USP3: variants seen among roughly 807,000 people sequenced by gnomAD.
USP3 encodes the protein ubiquitin carboxyl-terminal hydrolase 3.
In USP3, 20 loss-of-function variants were observed where a neutral mutation model predicts 72.3. The observed-to-expected ratio is 0.28, with a 90% CI of 0.19 to 0.40. The LOEUF (loss-of-function observed/expected upper bound fraction) is 0.40. Ranked by LOEUF, USP3 falls within the 10% of genes least tolerant of loss-of-function variation. The pLI is 1.00. For synonymous variants in USP3, 222 were observed against 225.3 expected (o/e 0.99, Z 0.13); for missense variants, 479 against 633.9 (o/e 0.76, Z 2.62).
Position 63,559,915 on chromosome 15 carries a change from G to C in USP3, c.592G>C (p.Gly198Arg), listed in dbSNP as rs2066576959. The stretch of plus-strand genomic sequence containing the variant: ...ACTGCCCGCCGTGGAGTTAAGGAAT[G>C]GGAAAACAGCAGGAAGGCGGACATA... ...KELPAVELRNGKTAGRRTYHT... is the reference protein window; with the variant it reads ...KELPAVELRNRKTAGRRTYHT... The change falls in exon 7 of 15, where the codon GGG becomes CGG. Residue 198 changes from glycine to arginine, a missense_variant. Coordinates refer to ENST00000380324, the MANE Select transcript of USP3 (RefSeq NM_006537.4). The C allele has an allele frequency of 6.2e-7, 1 of 1,614,074 alleles. No homozygotes were observed. Among genetic ancestry groups the C allele is most frequent in the Non-Finnish European group, 8.5e-7 (1 of 1,179,988 alleles).
In USP3 at chr15:63,553,526, A is replaced by C. The variant is rs551559244; in HGVS notation, c.285-189A>C. 3 of 436,512 alleles carry C rather than the reference A, an allele frequency of 6.9e-6. No individual in the cohort carries two copies. Among genetic ancestry groups the C allele is most frequent in the East Asian group, 7.3e-5 (2 of 27,374 alleles). 27.0% of individuals were successfully genotyped at this position (436,512 alleles called of 1,614,324 possible). ...GAAAAGAAGCTCATGTTCATTGCCT[A>C]CGTGGCTTTTAAAAAAGACTCTTGA... is the stretch of plus-strand genomic sequence containing the variant. On this transcript the variant is annotated intron_variant, in intron 3 of 14. Transcript: ENST00000380324. This position sits in a 1 kb window ranked among gnomAD's most constrained non-coding sequence, Gnocchi z 4.2.
At chr15:63,517,458 G>C (rs1176824364) in intron 1 of USP3, among the ~76,000 whole-genome samples, 1 of 152,028 alleles carries the variant, frequency 6.6e-6, no homozygotes. Flanking sequence ...CTTTCAGATT[G>C]GAGGTTTTCT....
chr15:63,537,408 G>A (rs1038632206), intron 3 of USP3, among the ~76,000 whole-genome samples: 1 of 151,950 alleles, frequency 6.6e-6, no homozygotes, highest in Non-Finnish European at 1.5e-5. Flanking sequence ...CTAGCTTCAA[G>A]GAAATAGATC....
At chr15:63,555,924 G>C (rs2066500089) in intron 4 of USP3, among the ~76,000 whole-genome samples, 1 of 152,172 alleles carries the variant, frequency 6.6e-6, no homozygotes, top group Non-Finnish European at 1.5e-5. Context: ...GGAGAGAATT[G>C]GCGGCCTTAA....
At chr15:63,508,567 T>C (rs1284815363) in intron 1 of USP3, among the ~76,000 whole-genome samples, 1 of 152,204 alleles carries the variant, frequency 6.6e-6, no homozygotes, top group African/African-American at 2.4e-5. Flanking sequence ...TGAAAAAGTT[T>C]TAAATAAAAG....
chr15:63,590,960 G>A lies in USP3; in HGVS notation c.*134G>A. ...TTTGGATTTAGTTTTGTCAATGGTA[G>A]TGACTTACTGAACATGGGCACCAAC... On this transcript the variant is annotated 3_prime_UTR_variant, in exon 15 of 15. Coordinates refer to ENST00000380324, the MANE Select transcript of USP3 (RefSeq NM_006537.4). 1.8e-6 allele frequency: 2 copies of A among 1,137,996 alleles called. No individual in the cohort carries two copies. The highest frequency in any genetic ancestry group is 2.9e-5 in the East Asian group (1 of 34,028). The allele number at this position is 1,137,996 out of a possible 1,614,324, so 70.5% of individuals were successfully genotyped here. A position where few individuals can be genotyped will look rare whatever the true frequency, so the allele number is the denominator to read the frequency against.
chr15:63,524,728 T>C (rs1595712547), intron 1 of USP3, among the ~76,000 whole-genome samples: 1 of 152,132 alleles, frequency 6.6e-6, no homozygotes, highest in African/African-American at 2.4e-5. Flanking sequence ...AGCATGTTGG[T>C]CTCTGGGTAA....
In USP3 at chr15:63,583,118, G is replaced by A. The variant is rs190993221; in HGVS notation, c.1097-5187G>A. ...GTCTGTACAGGTTAAATATAGGGGG[G>A]GGAAAAAGGCTTCTCTGCTGTTGAG... On this transcript the variant is annotated intron_variant, in intron 11 of 14. Transcript: ENST00000380324. Among the ~76,000 whole-genome samples the A allele has an allele frequency of 3.1e-3, 467 of 152,228 alleles. 1 individual carries two copies. Among genetic ancestry groups the A allele is most frequent in the Middle Eastern group, 6.8e-3 (2 of 294 alleles).
In USP3 at chr15:63,542,598, C is replaced by T. The variant is rs115061442; in HGVS notation, c.284+5442C>T. 1.0e-2 allele frequency among the ~76,000 whole-genome samples: 1,518 copies of T among 152,016 alleles called. 26 individuals carry two copies. The highest frequency in any genetic ancestry group is 0.035 in the African/African-American group (1,448 of 41,492). ...TGAACATATTCATTATTAAAGGAAA[C>T]CTCAAATTATTGTCCCATTGGAAGC... On this transcript the variant is annotated intron_variant, in intron 3 of 14. Coordinates refer to ENST00000380324, the MANE Select transcript of USP3 (RefSeq NM_006537.4).
intron 2 of USP3, chr15:63,533,680 G>A (rs934029270): frequency 9.6e-6 from 3 of 313,950 alleles, no homozygotes; most frequent in Non-Finnish European, 1.2e-5. Flanking sequence ...GTTCAGTGAA[G>A]TTTTGATTTT....
At chr15:63,550,590 A>G (rs4984298) in intron 3 of USP3, among the ~76,000 whole-genome samples, 149,361 of 152,314 alleles carry the variant, frequency 0.98, 73,303 homozygotes, top group East Asian at 1. Flanking sequence ...ATTTGAGACA[A>G]ATATACCCAT....
chr15:63,526,666 T>C (rs2065987197), intron 1 of USP3, among the ~76,000 whole-genome samples: 1 of 152,194 alleles, frequency 6.6e-6, no homozygotes, highest in African/African-American at 2.4e-5. Context: ...CCCACACCCT[T>C]GTTGCAGTGA....
Position 63,588,198 on chromosome 15 carries a change from T to C in USP3, c.1097-107T>C. The C allele has an allele frequency of 1.2e-6, 1 of 807,050 alleles. No homozygotes were observed. The highest frequency in any genetic ancestry group is 1.9e-6 in the Non-Finnish European group (1 of 513,316). The allele number at this position is 807,050 out of a possible 1,614,324, so 50.0% of individuals were successfully genotyped here. The stretch of plus-strand genomic sequence containing the variant: ...TTGAGAAAGGTTAACTTTTCTAAGG[T>C]CGTATAGCTAATAAAGCTGAGATTT... On this transcript the variant is annotated intron_variant, in intron 11 of 14. Coordinates refer to ENST00000380324, the MANE Select transcript of USP3 (RefSeq NM_006537.4). The surrounding 1 kb of genome is among the most constrained non-coding windows in gnomAD (Gnocchi z 4.6).
intron 1 of USP3, among the ~76,000 whole-genome samples, chr15:63,505,382 C>G (rs2065698701): frequency 6.6e-6 from 1 of 152,188 alleles, no homozygotes; most frequent in Non-Finnish European, 1.5e-5. Context: ...GCTCGGGCAC[C>G]TCGAAACCCC....
chr15:63,590,787 C>T lies in USP3; in HGVS notation c.1524C>T (p.Tyr508=), dbSNP rs779105681. The T allele has an allele frequency of 3.2e-5, 51 of 1,613,840 alleles. No individual in the cohort carries two copies. Among genetic ancestry groups the T allele is most frequent in the Admixed American group, 1.2e-4 (7 of 59,968 alleles). The change falls in exon 15 of 15, where the codon TAC becomes TAT. Residue 508 remains tyrosine, a synonymous_variant. Transcript: ENST00000380324. ...VVKAKAYILF[Y]VEHQAKAGSD... is the part of the protein sequence containing the mutation. ...AGGCGAAGGCCTACATCCTTTTCTA[C>T]GTGGAACACCAGGCCAAAGCTGGAT...
intron 11 of USP3, among the ~76,000 whole-genome samples, chr15:63,575,880 C>T (rs1008006492): frequency 1.3e-4 from 20 of 152,112 alleles, no homozygotes; most frequent in Non-Finnish European, 1.8e-4. Flanking sequence ...AGGAATTAGC[C>T]TCAAACTGTA....
Position 63,537,130 on chromosome 15 carries a change from G to A in USP3, c.258G>A (p.Met86Ile). ...ATAAAGTTCAGCACACAGTATGTAT[G>A]GATTGCAGTAGCTACAGTACATACT... The part of the protein sequence containing the change: ...KQDKVQHTVC[M>I]DCSSYSTYCY... The change falls in exon 3 of 15, where the codon ATG becomes ATA. Residue 86 changes from methionine (M) to isoleucine (I), a missense_variant. Coordinates refer to ENST00000380324, the MANE Select transcript of USP3 (RefSeq NM_006537.4). The A allele has an allele frequency of 3.1e-6, 5 of 1,613,934 alleles. No homozygotes were observed. The highest frequency in any genetic ancestry group is 4.2e-6 in the Non-Finnish European group (5 of 1,179,926).
chr15:63,530,122 G>A (rs557557533), intron 1 of USP3, among the ~76,000 whole-genome samples: 1 of 152,264 alleles, frequency 6.6e-6, no homozygotes, highest in East Asian at 1.9e-4. Flanking sequence ...GGGCGACAGA[G>A]TGAGACCCTT....
chr15:63,569,934 A>G (rs1595759066), intron 8 of USP3, among the ~76,000 whole-genome samples: 2 of 152,224 alleles, frequency 1.3e-5, no homozygotes, highest in South Asian at 4.1e-4. Context: ...GTATCTTTCA[A>G]TCTAAGGAGT....
Sources: gnomAD v4.1 joint callset for allele counts (sites outside exome capture counted in the v4.1 genomes callset) on GRCh38, gnomAD v4.1.1 for gene constraint, Gnocchi (gnomAD v3.1) non-coding constraint, MANE v1.5 for transcripts, NCBI Gene and HGNC (gene_info 2026-07-23, HGNC 2026-07-21) for gene names.